PCSK6: variants seen among roughly 807,000 people sequenced by gnomAD.
The protein encoded by PCSK6 is paired basic amino acid cleaving enzyme 4.
PCSK6 carries 85 observed loss-of-function variants against 123.3 expected under a neutral mutation model. The observed-to-expected ratio is 0.69, with a 90% confidence interval of 0.58 to 0.83. PCSK6 has a LOEUF of 0.83. Among genes scored for constraint, PCSK6 ranks in the 40% least tolerant of loss-of-function variants. The pLI, the probability that PCSK6 is intolerant of heterozygous loss-of-function variation, is 0.00. For missense variants in PCSK6, 1,191 were observed against 1,282.3 expected (o/e 0.93, Z 1.09); for synonymous variants, 508 against 516.0 (o/e 0.98, Z 0.21).
chr15:101,357,610 C>T (rs1168230327), intron 13 of PCSK6, among the ~76,000 whole-genome samples: 1 of 152,256 alleles, frequency 6.6e-6, no homozygotes, highest in African/African-American at 2.4e-5. Flanking sequence ...CTTCCCTCTC[C>T]ACCCATGCAC....
At chr15:101,435,575 G>A (rs1342980692) in intron 2 of PCSK6, among the ~76,000 whole-genome samples, 1 of 152,192 alleles carries the variant, frequency 6.6e-6, no homozygotes, top group Admixed American at 6.5e-5. Context: ...TTTTCCAAAT[G>A]TATGTTTCCT....
chr15:101,482,424 A>G (rs549494027), intron 1 of PCSK6, among the ~76,000 whole-genome samples: 247 of 152,328 alleles, frequency 1.6e-3, no homozygotes, highest in African/African-American at 5.8e-3. Context: ...ACAACCCGGA[A>G]GCCCTCCCAG....
chr15:101,383,989 C>T (rs1199798569), intron 10 of PCSK6: 3 of 493,092 alleles, frequency 6.1e-6, no homozygotes, highest in African/African-American at 2.1e-5. Flanking sequence ...CCTGCCTCAA[C>T]TTCCCTAGTA....
chr15:101,403,788 C>T (rs181154469), intron 6 of PCSK6, among the ~76,000 whole-genome samples: 194 of 152,266 alleles, frequency 1.3e-3, no homozygotes, highest in African/African-American at 4.2e-3. Context: ...GGCGCCATTT[C>T]GGCTCACTGC....
At chr15:101,419,537 C>CTTT (rs3031795) in intron 6 of PCSK6, among the ~76,000 whole-genome samples, 30 of 143,616 alleles carry the variant, frequency 2.1e-4, no homozygotes, top group South Asian at 9.0e-4. Context: ...CCCAACAGGG[C>CTTT]TTTTTTTTTT....
intron 1 of PCSK6, among the ~76,000 whole-genome samples, chr15:101,473,546 A>G (rs1174477938): frequency 6.6e-6 from 1 of 152,238 alleles, no homozygotes; most frequent in African/African-American, 2.4e-5. Flanking sequence ...AAATCCTAGA[A>G]AGTACTAATG....
intron 1 of PCSK6, among the ~76,000 whole-genome samples, chr15:101,446,103 C>A (rs1175303234): frequency 6.6e-6 from 1 of 152,260 alleles, no homozygotes; most frequent in Non-Finnish European, 1.5e-5. Context: ...GCAGCAGCGG[C>A]CAGAACTCCA....
At chr15:101,411,066 C>G (rs886653089) in intron 6 of PCSK6, among the ~76,000 whole-genome samples, 1 of 152,190 alleles carries the variant, frequency 6.6e-6, no homozygotes, top group African/African-American at 2.4e-5. Context: ...TTAGAACGAA[C>G]AAATCTGAAC....
intron 5 of PCSK6, 38 bp from the exon 6 acceptor site, chr15:101,428,018 A>C: frequency 2.0e-6 from 3 of 1,505,302 alleles, no homozygotes; most frequent in South Asian, 2.4e-5. Context: ...GACGCAGCCC[A>C]GCAAGTTTCA....
chr15:101,415,362 C>G (rs969171401), intron 6 of PCSK6, among the ~76,000 whole-genome samples: 4 of 152,226 alleles, frequency 2.6e-5, no homozygotes, highest in Admixed American at 6.5e-5. Context: ...TAGGAGCAAT[C>G]GTAGCCGACT....
At chr15:101,313,530 G>T in intron 19 of PCSK6, 25 bp from the exon 20 acceptor site, 1 of 1,577,262 alleles carries the variant, frequency 6.3e-7, no homozygotes, top group Non-Finnish European at 8.6e-7. Context: ...AAAAGAAGCA[G>T]GTATCAGGGA....
intron 6 of PCSK6, among the ~76,000 whole-genome samples, chr15:101,411,354 AG>A (rs1205605228): frequency 6.6e-6 from 1 of 152,132 alleles, no homozygotes; most frequent in South Asian, 2.1e-4. Flanking sequence ...GCAGTGAGAC[AG>A]GGTCCTAAGG....
chr15:101,467,707 C>T (rs551828809), intron 1 of PCSK6, among the ~76,000 whole-genome samples: 2 of 152,340 alleles, frequency 1.3e-5, no homozygotes, highest in South Asian at 4.2e-4. Flanking sequence ...GGGCCATAGC[C>T]ACACTGTGGC....
chr15:101,463,526 C>G (rs79234106), intron 1 of PCSK6, among the ~76,000 whole-genome samples: 5,548 of 152,184 alleles, frequency 0.036, 129 homozygotes, highest in Non-Finnish European at 0.056. Context: ...TACTATGTGC[C>G]GTATCTTTCC....
At chr15:101,449,629 T>G (rs2056981737) in intron 1 of PCSK6, among the ~76,000 whole-genome samples, 1 of 152,200 alleles carries the variant, frequency 6.6e-6, no homozygotes, top group South Asian at 2.1e-4. Context: ...CAGCTTCACC[T>G]GAGTAGCTTG....
intron 8 of PCSK6, among the ~76,000 whole-genome samples, chr15:101,390,965 T>A (rs1473044616): frequency 7.1e-6 from 1 of 140,886 alleles, no homozygotes; most frequent in Middle Eastern, 3.3e-3. Flanking sequence ...TGAGAATCAA[T>A]TTCACAGTGA....
Position 101,318,331 on chromosome 15 carries a change from C to T in PCSK6, c.2557G>A (p.Gly853Arg), listed in dbSNP as rs45482895. ...IRCGECHHTC[G>R]TCVGPGREEC... ...GCGGTGAACTCACCCACGCAGGTTC[C>T]GCAGGTGTGATGGCATTCCCCACAT... Residue 853 changes from glycine to arginine, a missense_variant, in exon 19 of 22, where the codon GGA becomes AGA. Gly to Arg is a moderately radical substitution (Grantham distance 125). Transcript: ENST00000611716. 10,356 of 1,558,158 alleles carry T rather than the reference C, an allele frequency of 6.6e-3. 42 individuals are homozygous for T. Among genetic ancestry groups the T allele is most frequent in the East Asian group, 0.01 (424 of 41,388 alleles).
rs1388631567 is a variant in PCSK6 at position 101,437,776 on chromosome 15, CG to C, written c.403-5677del. On this transcript the variant is annotated intron_variant, in intron 2 of 21. Coordinates refer to ENST00000611716, the MANE Select transcript of PCSK6 (RefSeq NM_002570.5). Reference sequence around the variant, plus strand: ...AGAAGGTGCCCCTCTCCCCACCGCCCGCCACCCACCTCCACTCACTGACAAC... The same window carrying C: ...AGAAGGTGCCCCTCTCCCCACCGCCCCCACCCACCTCCACTCACTGACAAC... Among the ~76,000 whole-genome samples, 6 of 152,184 alleles carry C rather than the reference CG, an allele frequency of 3.9e-5. No homozygotes were observed. In the East Asian group the frequency reaches 1.2e-3, roughly 29 times the overall value.
intron 6 of PCSK6, among the ~76,000 whole-genome samples, chr15:101,426,783 AAAGTGGC>A (rs1351769525): frequency 8.7e-6 from 1 of 114,968 alleles, no homozygotes; most frequent in Non-Finnish European, 2.1e-5. Flanking sequence ...AGAACGGCAG[AAAGTGGC>A]TGCAGCCACC....
Sources: gnomAD v4.1 joint callset for allele counts (sites outside exome capture counted in the v4.1 genomes callset) on GRCh38, gnomAD v4.1.1 for gene constraint, MANE v1.5 for transcripts, NCBI Gene and HGNC (gene_info 2026-07-23, HGNC 2026-07-21) for gene names.